The following ANKRD31 variants were observed in gnomAD, a reference collection of about 807,000 sequenced individuals.
The protein encoded by ANKRD31 is ankyrin repeat domain 31.
In ANKRD31, 147 loss-of-function variants were observed where a neutral mutation model predicts 186.0. The observed-to-expected ratio is 0.79, with a 90% CI of 0.69 to 0.91. ANKRD31 has a LOEUF of 0.91. ANKRD31 is among the 40% of genes least tolerant of loss of function. ANKRD31 has a pLI of 0.00. For synonymous variants in ANKRD31, 673 were observed against 736.4 expected (o/e 0.91, Z 1.39); for missense variants, 1,986 against 2,148.8 (o/e 0.92, Z 1.50).
At chr5:75,118,094 T>C in intron 18 of ANKRD31, 41 bp downstream of exon 18, 2 of 1,306,952 alleles carry the variant, frequency 1.5e-6, no homozygotes, top group South Asian at 2.3e-5. Context: ...TAAGCAGAGA[T>C]ATATCTCTAT....
intron 22 of ANKRD31, among the ~76,000 whole-genome samples, chr5:75,095,398 C>T (rs187201353): frequency 2.6e-5 from 4 of 151,984 alleles, no homozygotes; most frequent in East Asian, 1.9e-4. Flanking sequence ...GGCATGAACC[C>T]GGCAGGCAGA....
chr5:75,192,599 T>A lies in ANKRD31; in HGVS notation c.1408+68A>T, dbSNP rs1755187678. On this transcript the variant is annotated intron_variant, in intron 9 of 25. Coordinates refer to ENST00000506364, the MANE Select transcript of ANKRD31 (RefSeq NM_001372053.1). Reference sequence around the variant, plus strand: ...AAAATTAGAAAGTTGAGAAAGATAATCTCTGAATCCTTTCTACCAATTCTG... The same window carrying A: ...AAAATTAGAAAGTTGAGAAAGATAAACTCTGAATCCTTTCTACCAATTCTG... 7 of 1,219,238 alleles carry A rather than the reference T, an allele frequency of 5.7e-6. No homozygotes were observed. In the East Asian group the frequency reaches 1.5e-4, roughly 27 times the overall value. The allele number at this position is 1,219,238 out of a possible 1,614,324, so 75.5% of individuals were successfully genotyped here.
chr5:75,123,065 T>C (rs928809159), intron 17 of ANKRD31, among the ~76,000 whole-genome samples: 1 of 152,072 alleles, frequency 6.6e-6, no homozygotes, highest in Non-Finnish European at 1.5e-5. Context: ...AAAAAATTCT[T>C]AAGTTTGATA....
chr5:75,235,624 T>C (rs112750597), intron 1 of ANKRD31, among the ~76,000 whole-genome samples: 3,959 of 152,236 alleles, frequency 0.026, 157 homozygotes, highest in African/African-American at 0.09. Context: ...TATGTTGCTT[T>C]CTCTCTCACC....
In ANKRD31 at chr5:75,195,961, T is replaced by C. The variant is rs768421413; in HGVS notation, c.687A>G (p.Thr229=). The C allele has an allele frequency of 2.1e-5, 32 of 1,532,450 alleles. No individual in the cohort carries two copies. The highest frequency in any genetic ancestry group is 2.6e-5 in the Non-Finnish European group (30 of 1,144,656). The allele number at this position is 1,532,450 out of a possible 1,614,324, so 94.9% of individuals were successfully genotyped here. ...TFVSALESLL[T]SPESTQEERL... is the part of the protein sequence containing the mutation. ...TTTCCTCCTGGGTGCTTTCTGGTGA[T>C]GTAAGTAAACTTTCTAAGGCAGACA... Residue 229 remains threonine, a synonymous_variant, in exon 7 of 26, where the codon ACA becomes ACG. Transcript: ENST00000506364.
At chr5:75,147,936 G>C (rs976331213) in intron 13 of ANKRD31, among the ~76,000 whole-genome samples, 1 of 151,780 alleles carries the variant, frequency 6.6e-6, no homozygotes, top group Non-Finnish European at 1.5e-5. Flanking sequence ...TAAACAGCAA[G>C]AGAAAATCAA....
At chr5:75,151,669 T>C (rs1316848834) in intron 12 of ANKRD31, among the ~76,000 whole-genome samples, 1 of 152,040 alleles carries the variant, frequency 6.6e-6, no homozygotes, top group Non-Finnish European at 1.5e-5. Flanking sequence ...AACAAACTAA[T>C]ACAGAGATGT....
chr5:75,088,036 T>C (rs1745635360), intron 23 of ANKRD31, among the ~76,000 whole-genome samples: 1 of 152,236 alleles, frequency 6.6e-6, no homozygotes, highest in African/African-American at 2.4e-5. Context: ...ATCTCCTTCC[T>C]CTTCTTTCTG....
At chr5:75,229,882 A>C (rs954609547) in intron 2 of ANKRD31, among the ~76,000 whole-genome samples, 13 of 84,896 alleles carry the variant, frequency 1.5e-4, no homozygotes, top group South Asian at 3.5e-4. Context: ...AAAAAAAAAA[A>C]AAAAACAAAA....
At chr5:75,181,678 G>C (rs1300454051) in intron 10 of ANKRD31, among the ~76,000 whole-genome samples, 1 of 137,852 alleles carries the variant, frequency 7.3e-6, no homozygotes, top group Non-Finnish European at 1.5e-5. Context: ...GGTGGGAATT[G>C]AACAATGAGA....
At chr5:75,192,125 G>C (rs1331488376) in intron 9 of ANKRD31, among the ~76,000 whole-genome samples, 1 of 151,920 alleles carries the variant, frequency 6.6e-6, no homozygotes, top group East Asian at 1.9e-4. Context: ...CGCTTATATC[G>C]CTGCAGTATT....
chr5:75,099,002 T>C (rs1332299127), intron 22 of ANKRD31, among the ~76,000 whole-genome samples: 4 of 152,220 alleles, frequency 2.6e-5, no homozygotes, highest in Admixed American at 1.3e-4. Flanking sequence ...CATCCCTGTC[T>C]TGTGCCAGTT....
At chr5:75,129,329 T>C (rs1203043532) in intron 17 of ANKRD31, among the ~76,000 whole-genome samples, 1 of 152,224 alleles carries the variant, frequency 6.6e-6, no homozygotes, top group Non-Finnish European at 1.5e-5. Context: ...CAGCCTCAGG[T>C]AGTTTTTTAT....
At chr5:75,154,808 C>T (rs1323144989) in intron 11 of ANKRD31, among the ~76,000 whole-genome samples, 1 of 152,004 alleles carries the variant, frequency 6.6e-6, no homozygotes, top group Non-Finnish European at 1.5e-5. Context: ...TTATGTCTTC[C>T]GTCTATACCT....
At position 75,112,577 on chromosome 5, in the gene ANKRD31, T is replaced by C. The variant is rs1429148159; in HGVS notation, c.4179A>G (p.Leu1393=). The change falls in exon 20 of 26, where the codon CTA becomes CTG. Residue 1393 remains leucine, a synonymous_variant. Coordinates refer to ENST00000506364, the MANE Select transcript of ANKRD31 (RefSeq NM_001372053.1). ...ATTCTTGTTTTTCTTCTATATCTTG[T>C]AGAATGGCACTGAGGGTCTGATGCT... ...LSVHQTLSAI[L]QDIEEKQEYL... is the part of the protein sequence containing the mutation. The C allele has an allele frequency of 7.2e-6, 11 of 1,524,916 alleles. No individual in the cohort carries two copies. The Middle Eastern group carries it at 5.6e-4, about 78-fold the overall frequency. 94.5% of individuals were successfully genotyped at this position (1,524,916 alleles called of 1,614,324 possible).
intron 25 of ANKRD31, among the ~76,000 whole-genome samples, chr5:75,073,705 C>T (rs563649256): frequency 1.4e-4 from 22 of 152,302 alleles, no homozygotes; most frequent in African/African-American, 5.3e-4. Context: ...GAAAATACCA[C>T]ATAATGTGAA....
In ANKRD31 at chr5:75,146,203, T is replaced by C; in HGVS notation, c.3208A>G (p.Arg1070Gly). 1 of 1,536,138 alleles carries C rather than the reference T, an allele frequency of 6.5e-7. No individual in the cohort carries two copies. Residue 1070 changes from arginine to glycine, a missense_variant, in exon 14 of 26, where the codon AGA becomes GGA. Arg to Gly is a moderately radical substitution (Grantham distance 125). Coordinates refer to ENST00000506364, the MANE Select transcript of ANKRD31 (RefSeq NM_001372053.1). The part of the protein sequence containing the change: ...NCDTERNYID[R>G]DQKIIYSNEP... ...TTTGAATAAATTATTTTTTGGTCTCTGTCAATGTAATTCCTCTCAGTGTCA... is the reference window on the plus strand; with the variant it reads ...TTTGAATAAATTATTTTTTGGTCTCCGTCAATGTAATTCCTCTCAGTGTCA...
At chr5:75,128,373 G>A (rs1356354733) in intron 17 of ANKRD31, among the ~76,000 whole-genome samples, 3 of 55,686 alleles carry the variant, frequency 5.4e-5, no homozygotes, top group South Asian at 7.1e-4. Context: ...AAACCTGCAC[G>A]TTCTGCATAT....
At chr5:75,161,688 A>G (rs1752578658) in intron 11 of ANKRD31, among the ~76,000 whole-genome samples, 1 of 152,116 alleles carries the variant, frequency 6.6e-6, no homozygotes, top group Non-Finnish European at 1.5e-5. Flanking sequence ...GTCTAGGAGG[A>G]AAAAATGGTT....
Sources: gnomAD v4.1 joint callset for allele counts (sites outside exome capture counted in the v4.1 genomes callset) on GRCh38, gnomAD v4.1.1 for gene constraint, MANE v1.5 for transcripts, NCBI Gene and HGNC (gene_info 2026-07-23, HGNC 2026-07-21) for gene names.